Variants in DPY19L4 observed in about 807,000 individuals in gnomAD.
DPY19L4 encodes dpy-19 like 4, also known as probable C-mannosyltransferase DPY19L4.
Under a neutral mutation model 102.8 loss-of-function variants are expected in DPY19L4, and 97 were observed. The observed-to-expected ratio is 0.94, with a 90% confidence interval of 0.80 to 1.12. The LOEUF is 1.12. DPY19L4 is among the 50% of genes most tolerant of loss of function. DPY19L4 has a pLI of 0.00. For missense variants in DPY19L4, 815 were observed against 850.4 expected, an observed-to-expected ratio of 0.96 and a Z score of 0.52; for synonymous variants, 252 against 283.1, an observed-to-expected ratio of 0.89 and a Z score of 1.10.
At chr8:94,733,262 C>T (rs575591121) in intron 2 of DPY19L4, among the ~76,000 whole-genome samples, 169 of 149,236 alleles carry the variant, frequency 1.1e-3, no homozygotes, top group African/African-American at 4.1e-3. Context: ...GTAGCTGGGA[C>T]TACAGGCACC....
intron 16 of DPY19L4, 51 bp from the exon 17 acceptor site, chr8:94,783,619 T>G: frequency 6.3e-7 from 1 of 1,592,552 alleles, no homozygotes; most frequent in Non-Finnish European, 8.5e-7. Flanking sequence ...ATCAGTGATC[T>G]AAATAGTATA....
intron 6 of DPY19L4, among the ~76,000 whole-genome samples, chr8:94,752,647 T>C (rs529692342): frequency 4.1e-5 from 6 of 146,904 alleles, no homozygotes; most frequent in African/African-American, 1.5e-4. Context: ...AATTCATTTA[T>C]TAGTTTTAGT....
intron 6 of DPY19L4, among the ~76,000 whole-genome samples, chr8:94,755,767 C>T (rs1169377487): frequency 6.6e-6 from 1 of 152,142 alleles, no homozygotes; most frequent in Admixed American, 6.5e-5. Flanking sequence ...CGCCTGTAAT[C>T]CCAGCTACGC....
chr8:94,757,258 G>T (rs974830605), intron 7 of DPY19L4, among the ~76,000 whole-genome samples: 1 of 152,168 alleles, frequency 6.6e-6, no homozygotes. Context: ...TCTCCTTTCA[G>T]TGGTGACAAA....
rs752376232 is a variant in DPY19L4 at position 94,765,273 on chromosome 8, T to C, written c.961T>C (p.Leu321=). ...ENPALLVSPL[L]SLVAALMLAK... ...TCCAGCTTTGTTGGTATCTCCTTTA[T>C]TAAGTTTAGTAGCAGCCTTAATGCT... Residue 321 remains leucine, a synonymous_variant, in exon 9 of 19, where the codon TTA becomes CTA. Coordinates refer to ENST00000414645, the MANE Select transcript of DPY19L4 (RefSeq NM_181787.3). 5 of 1,610,002 alleles carry C rather than the reference T, an allele frequency of 3.1e-6. No homozygotes were observed. The African/African-American group carries it at 5.4e-5, about 17-fold the overall frequency.
intron 17 of DPY19L4, among the ~76,000 whole-genome samples, chr8:94,786,261 G>C (rs1358869505): frequency 6.6e-6 from 1 of 151,668 alleles, no homozygotes; most frequent in African/African-American, 2.4e-5. Context: ...TGAGTAGCGG[G>C]GACTACAGGT....
intron 4 of DPY19L4, 93 bp from the exon 5 acceptor site, chr8:94,739,320 T>C (rs1811330361): frequency 1.4e-6 from 2 of 1,402,344 alleles, no homozygotes; most frequent in Admixed American, 5.4e-5. Flanking sequence ...GGGATCTTTC[T>C]TGATAACAAT....
chr8:94,736,814 A>G (rs1811208462), intron 3 of DPY19L4, among the ~76,000 whole-genome samples: 1 of 152,240 alleles, frequency 6.6e-6, no homozygotes, highest in Non-Finnish European at 1.5e-5. Flanking sequence ...GATGTGGAAC[A>G]GTAATAGAAA....
intron 2 of DPY19L4, among the ~76,000 whole-genome samples, chr8:94,727,462 G>A (rs62524277): frequency 0.13 from 19,872 of 152,180 alleles, 1,381 homozygotes; most frequent in African/African-American, 0.17. Context: ...TTGAACTCCT[G>A]ACCTCAAGTG....
chr8:94,758,658 A>G (rs1269485347), intron 7 of DPY19L4, among the ~76,000 whole-genome samples: 1 of 152,160 alleles, frequency 6.6e-6, no homozygotes, highest in Non-Finnish European at 1.5e-5. Context: ...ACTCAGCCTA[A>G]TAATGCCCTT....
intron 13 of DPY19L4, 148 bp downstream of exon 13, chr8:94,770,719 C>G: frequency 2.0e-6 from 2 of 1,001,808 alleles, no homozygotes; most frequent in South Asian, 1.5e-5. Flanking sequence ...TCTGTCAACA[C>G]TCAACATGGT....
At chr8:94,746,927 C>T (rs1229424160) in intron 6 of DPY19L4, among the ~76,000 whole-genome samples, 1 of 152,076 alleles carries the variant, frequency 6.6e-6, no homozygotes, top group East Asian at 1.9e-4. Flanking sequence ...GTTAGCAGGT[C>T]CTTGCAACTG....
chr8:94,789,817 C>T lies in DPY19L4; in HGVS notation c.2079C>T (p.Asn693=). The change falls in exon 19 of 19, where the codon AAC becomes AAT. Residue 693 remains asparagine (N), a synonymous_variant. Coordinates refer to ENST00000414645, the MANE Select transcript of DPY19L4 (RefSeq NM_181787.3). ...YGRFCHEVKI[N]YSPYVNYFTR... is the part of the protein sequence containing the mutation. ...GATTTTGTCATGAGGTCAAAATTAA[C>T]TATTCTCCATATGTGAATTATTTCA... 6 of 1,611,686 alleles carry T rather than the reference C, an allele frequency of 3.7e-6. No individual in the cohort carries two copies. Among genetic ancestry groups the T allele is most frequent in the Middle Eastern group, 1.7e-4 (1 of 6,042 alleles).
At chr8:94,772,156 A>G (rs1390475340) in intron 13 of DPY19L4, among the ~76,000 whole-genome samples, 1 of 152,164 alleles carries the variant, frequency 6.6e-6, no homozygotes, top group Non-Finnish European at 1.5e-5. Context: ...ATTAAAATGT[A>G]TTCATTCTGC....
intron 6 of DPY19L4, among the ~76,000 whole-genome samples, chr8:94,741,814 T>TA (rs1381753182): frequency 6.6e-5 from 10 of 152,168 alleles, no homozygotes; most frequent in African/African-American, 2.4e-4. Context: ...ACAAGGTGAG[T>TA]AGGTTTGCAC....
intron 15 of DPY19L4, 27 bp from the exon 16 acceptor site, chr8:94,781,056 AT>A (rs36116205): frequency 0.094 from 109,848 of 1,168,230 alleles, 53 homozygotes; most frequent in Middle Eastern, 0.1. Flanking sequence ...TCTTTTGGGG[AT>A]TTTTTTTTTT....
intron 6 of DPY19L4, among the ~76,000 whole-genome samples, chr8:94,745,337 T>C (rs1811625793): frequency 1.7e-5 from 2 of 114,450 alleles, no homozygotes; most frequent in South Asian, 2.3e-4. Context: ...GGAAATTGTC[T>C]TGTTCCCCAT....
At chr8:94,748,485 G>A (rs1000502245) in intron 6 of DPY19L4, among the ~76,000 whole-genome samples, 1 of 152,112 alleles carries the variant, frequency 6.6e-6, no homozygotes, top group Admixed American at 6.5e-5. Context: ...AATTTTTTGG[G>A]ATAATATTAT....
intron 1 of DPY19L4, among the ~76,000 whole-genome samples, chr8:94,720,816 A>G (rs964174037): frequency 2.0e-5 from 3 of 152,244 alleles, no homozygotes; most frequent in African/African-American, 7.2e-5. Context: ...TAACTTCATG[A>G]TAACCCCTAC....
Sources: gnomAD v4.1 joint callset for allele counts (sites outside exome capture counted in the v4.1 genomes callset) on GRCh38, gnomAD v4.1.1 for gene constraint, MANE v1.5 for transcripts, NCBI Gene and HGNC (gene_info 2026-07-23, HGNC 2026-07-21) for gene names.